Variants in MTPN observed in about 807,000 individuals in gnomAD.
The protein encoded by MTPN is myotrophin.
In MTPN, 2 loss-of-function variants were observed where a neutral mutation model predicts 13.5. The observed-to-expected ratio is 0.15, with a 90% confidence interval of 0.06 to 0.47. The LOEUF (loss-of-function observed/expected upper bound fraction) is 0.47. Among genes scored for constraint, MTPN ranks in the 20% least tolerant of loss-of-function variants. The pLI is 0.97. For missense variants in MTPN, 79 were observed against 137.9 expected (o/e 0.57, Z 2.14); for synonymous variants, 46 against 51.7 (o/e 0.89, Z 0.48).
chr7:135,956,777 C>T (rs1410259432), intron 1 of MTPN, among the ~76,000 whole-genome samples: 1 of 152,140 alleles, frequency 6.6e-6, no homozygotes, highest in East Asian at 1.9e-4. Context: ...CTCCTTCTCA[C>T]CAGCATGTGC....
chr7:135,938,596 A>G (rs1321406680), intron 3 of MTPN, among the ~76,000 whole-genome samples: 3 of 152,258 alleles, frequency 2.0e-5, no homozygotes, highest in Non-Finnish European at 4.4e-5. Context: ...ACAGAGTTCA[A>G]GCTCTTCATC....
rs200418251 is a variant in MTPN, at chr7:135,954,677, T to C, written c.73-3047A>G. On this transcript the variant is annotated intron_variant, in intron 1 of 3. Coordinates refer to ENST00000393085, the MANE Select transcript of MTPN (RefSeq NM_145808.4). ...ATCCTTCAGGGCTGGGCACGGTGGC[T>C]CACGCCTGTAATCCTAGCACTTTGG... Among the ~76,000 whole-genome samples the C allele has an allele frequency of 1.6e-4, 25 of 152,312 alleles. No individual in the cohort carries two copies. The East Asian group carries it at 4.4e-3, about 27-fold the overall frequency.
chr7:135,956,479 C>A (rs1331477956), intron 1 of MTPN, among the ~76,000 whole-genome samples: 2 of 152,130 alleles, frequency 1.3e-5, no homozygotes, highest in Non-Finnish European at 2.9e-5. Flanking sequence ...TTCCACTTTC[C>A]ACAGATACTA....
At chr7:135,931,458 A>G (rs1463969095) in intron 3 of MTPN, among the ~76,000 whole-genome samples, 1 of 152,114 alleles carries the variant, frequency 6.6e-6, no homozygotes, top group African/African-American at 2.4e-5. Context: ...GAAGTGTTAA[A>G]TGATCACAAA....
At chr7:135,950,488 G>T in intron 3 of MTPN, 111 bp downstream of exon 3, 1 of 859,078 alleles carries the variant, frequency 1.2e-6, no homozygotes, top group Non-Finnish European at 1.9e-6. Context: ...TTTGTATATT[G>T]CTTCCAGTTT....
intron 1 of MTPN, among the ~76,000 whole-genome samples, chr7:135,966,521 G>T (rs1799608719): frequency 1.3e-5 from 2 of 151,868 alleles, no homozygotes; most frequent in Admixed American, 1.3e-4. Flanking sequence ...TACCGAATGT[G>T]TATCACTTTT....
chr7:135,966,097 T>C (rs1799600059), intron 1 of MTPN, among the ~76,000 whole-genome samples: 1 of 152,074 alleles, frequency 6.6e-6, no homozygotes, highest in Non-Finnish European at 1.5e-5. Context: ...TGTAATACAT[T>C]AACAGATATT....
chr7:135,927,380 A>G lies in MTPN; in HGVS notation c.*2546T>C. On this transcript the variant is annotated 3_prime_UTR_variant, in exon 4 of 4. Transcript: ENST00000393085. ...CTGAAGCTGCAAGGGAGACTTTGTT[A>G]GTACACTACTATAAACAGGTAAACT... The G allele has an allele frequency of 6.5e-7, 1 of 1,549,656 alleles. No individual in the cohort carries two copies.
chr7:135,937,222 T>C (rs1799128390), intron 3 of MTPN, among the ~76,000 whole-genome samples: 1 of 152,158 alleles, frequency 6.6e-6, no homozygotes, highest in Non-Finnish European at 1.5e-5. Flanking sequence ...TTTGTCAAGG[T>C]TTTGAAGATG....
chr7:135,943,569 T>TACATAAA (rs1310626046), intron 3 of MTPN, among the ~76,000 whole-genome samples: 1 of 152,246 alleles, frequency 6.6e-6, no homozygotes, highest in Non-Finnish European at 1.5e-5. Flanking sequence ...ATAGCAATTA[T>TACATAAA]ACATAAAACA....
chr7:135,975,730 G>A (rs1181691174), intron 1 of MTPN, among the ~76,000 whole-genome samples: 6 of 152,164 alleles, frequency 3.9e-5, no homozygotes, highest in Non-Finnish European at 7.3e-5. Flanking sequence ...TATTGAAATA[G>A]CCAATAAGTC....
chr7:135,967,056 A>G (rs76971177), intron 1 of MTPN, among the ~76,000 whole-genome samples: 2,449 of 152,264 alleles, frequency 0.016, 31 homozygotes, highest in African/African-American at 0.037. Context: ...TAACTGATCC[A>G]TATTTATAAA....
chr7:135,969,474 C>CAA (rs948357828), intron 1 of MTPN, among the ~76,000 whole-genome samples: 2 of 125,888 alleles, frequency 1.6e-5, no homozygotes, highest in South Asian at 2.5e-4. Context: ...ACTTAACGTG[C>CAA]AAAAAAAAAA....
intron 1 of MTPN, among the ~76,000 whole-genome samples, chr7:135,962,481 T>C (rs1038514624): frequency 6.6e-6 from 1 of 152,012 alleles, no homozygotes; most frequent in Non-Finnish European, 1.5e-5. Context: ...GAATATTACT[T>C]ATGGACACAA....
chr7:135,973,000 C>G (rs1016028259), intron 1 of MTPN, among the ~76,000 whole-genome samples: 1 of 151,160 alleles, frequency 6.6e-6, no homozygotes, highest in Non-Finnish European at 1.5e-5. Flanking sequence ...TAGAGAGAGG[C>G]AAGTGTAGAA....
intron 1 of MTPN, among the ~76,000 whole-genome samples, chr7:135,954,872 G>C (rs898073818): frequency 6.6e-6 from 1 of 152,206 alleles, no homozygotes; most frequent in Admixed American, 6.5e-5. Context: ...GAACCTGGGA[G>C]GCAGAGCTTG....
rs186090986 is a variant in MTPN, at chr7:135,961,207, T to C, written c.73-9577A>G. Reference sequence around the variant, plus strand: ...GCATTAGGAGTATAAAGTTCTAACTTATAAATGATACATAACCAGAACAGG... The same window carrying C: ...GCATTAGGAGTATAAAGTTCTAACTCATAAATGATACATAACCAGAACAGG... On this transcript the variant is annotated intron_variant, in intron 1 of 3. Coordinates refer to ENST00000393085, the MANE Select transcript of MTPN (RefSeq NM_145808.4). Among the ~76,000 whole-genome samples the C allele has an allele frequency of 7.2e-5, 11 of 152,184 alleles. No homozygotes were observed. In the East Asian group the frequency reaches 1.9e-3, roughly 27 times the overall value.
At chr7:135,948,667 T>G (rs1282611024) in intron 3 of MTPN, among the ~76,000 whole-genome samples, 1 of 152,166 alleles carries the variant, frequency 6.6e-6, no homozygotes, top group African/African-American at 2.4e-5. Flanking sequence ...AAGCCTCATG[T>G]TTTGGGAATA....
chr7:135,974,013 T>C (rs897005106), intron 1 of MTPN, among the ~76,000 whole-genome samples: 5 of 152,240 alleles, frequency 3.3e-5, no homozygotes, highest in African/African-American at 4.8e-5. Context: ...AAACATTTAA[T>C]GTAATAATCT....
Sources: gnomAD v4.1 joint callset for allele counts (sites outside exome capture counted in the v4.1 genomes callset) on GRCh38, gnomAD v4.1.1 for gene constraint, MANE v1.5 for transcripts, NCBI Gene and HGNC (gene_info 2026-07-23, HGNC 2026-07-21) for gene names.